The following KIF26B variants were observed in gnomAD, a reference collection of about 807,000 sequenced individuals.
The protein encoded by KIF26B is kinesin family member 26B, also known as kinesin-like protein KIF26B.
Under a neutral mutation model 151.2 loss-of-function variants are expected in KIF26B, and 63 were observed. The observed-to-expected ratio is 0.42, with a 90% CI of 0.34 to 0.51. The LOEUF is 0.51. Among genes scored for constraint, KIF26B ranks in the 20% least tolerant of loss-of-function variants. The pLI, the probability that KIF26B is intolerant of heterozygous loss-of-function variation, is 0.07. For missense variants in KIF26B, 2,813 were observed against 2,913.6 expected (o/e 0.97, Z 0.79); for synonymous variants, 1,357 against 1,262.1 (o/e 1.08, Z -1.59).
At chr1:245,271,258 T>C (rs997953388) in intron 2 of KIF26B, among the ~76,000 whole-genome samples, 2 of 152,092 alleles carry the variant, frequency 1.3e-5, no homozygotes, top group African/African-American at 4.8e-5. Context: ...TGGTTCCATG[T>C]GAATTTTAGG....
In KIF26B at chr1:245,689,619, G is replaced by A. The variant is rs192518034; in HGVS notation, c.5824+812G>A. 2.6e-5 allele frequency among the ~76,000 whole-genome samples: 4 copies of A among 152,214 alleles called. No homozygotes were observed. In the East Asian group the frequency reaches 7.7e-4, roughly 29 times the overall value. On this transcript the variant is annotated intron_variant, in intron 12 of 14. Transcript: ENST00000407071. ...ATCGCCCAGGCTGGAGTGCAATGGC[G>A]TGATCTTGCCAAACTGCAACCTCTG...
chr1:245,157,678 G>A (rs1265878092), intron 2 of KIF26B, among the ~76,000 whole-genome samples: 1 of 152,222 alleles, frequency 6.6e-6, no homozygotes, highest in Non-Finnish European at 1.5e-5. Flanking sequence ...ATGACCACCA[G>A]GAGAATTGGT....
intron 2 of KIF26B, among the ~76,000 whole-genome samples, chr1:245,360,209 G>A (rs1672787346): frequency 6.6e-6 from 1 of 152,124 alleles, no homozygotes; most frequent in South Asian, 2.1e-4. Flanking sequence ...AGATGTGGTG[G>A]TTAAGTGAAT....
intron 10 of KIF26B, among the ~76,000 whole-genome samples, chr1:245,649,228 A>G (rs1343882638): frequency 6.6e-6 from 1 of 152,236 alleles, no homozygotes; most frequent in Non-Finnish European, 1.5e-5. Context: ...GTGATTCATC[A>G]ACTAGAAACT....
At position 245,333,994 on chromosome 1, in the gene KIF26B, G is replaced by A. The variant is rs144264814; in HGVS notation, c.466-32840G>A. Among the ~76,000 whole-genome samples, 10 of 151,344 alleles carry A rather than the reference G, an allele frequency of 6.6e-5. No individual in the cohort carries two copies. The East Asian group carries it at 9.7e-4, about 15-fold the overall frequency. On this transcript the variant is annotated intron_variant, in intron 2 of 14. Transcript: ENST00000407071. The stretch of plus-strand genomic sequence containing the variant: ...AGCCTGGGCGACGGAGTGAGACTCC[G>A]TGTCAAAAAAAAAAAAATCTCCTCT...
At chr1:245,552,400 T>G (rs1279372493) in intron 5 of KIF26B, among the ~76,000 whole-genome samples, 1 of 150,856 alleles carries the variant, frequency 6.6e-6, no homozygotes, top group Non-Finnish European at 1.5e-5. Context: ...TTACTCAAAC[T>G]CAGCTGATTT....
intron 5 of KIF26B, among the ~76,000 whole-genome samples, chr1:245,544,058 A>G (rs1661684387): frequency 6.6e-6 from 1 of 152,122 alleles, no homozygotes; most frequent in Non-Finnish European, 1.5e-5. Flanking sequence ...GCCCTACCAT[A>G]TGGTGCCAAA....
At chr1:245,215,637 G>A (rs374576596) in intron 2 of KIF26B, among the ~76,000 whole-genome samples, 5 of 152,336 alleles carry the variant, frequency 3.3e-5, no homozygotes, top group African/African-American at 7.2e-5. Context: ...GGCTCGGGGT[G>A]TGGAAAATGG....
chr1:245,419,419 TA>T lies in KIF26B; in HGVS notation c.1000-159del, dbSNP rs772626165. On this transcript the variant is annotated intron_variant, in intron 3 of 14. Transcript: ENST00000407071. Reference sequence around the variant, plus strand: ...GTATCCTAGCTAAAATGCTGGAAAATAGCCTTCCAGTAGCCCTAAGCATCCA... The same window carrying T: ...GTATCCTAGCTAAAATGCTGGAAAATGCCTTCCAGTAGCCCTAAGCATCCA... 1.5e-3 allele frequency among the ~76,000 whole-genome samples: 234 copies of T among 152,264 alleles called. 1 individual carries two copies. Among genetic ancestry groups the T allele is most frequent in the Non-Finnish European group, 9.0e-4 (61 of 68,026 alleles).
intron 2 of KIF26B, among the ~76,000 whole-genome samples, chr1:245,307,229 G>A (rs767394547): frequency 1.8e-4 from 28 of 152,252 alleles, no homozygotes; most frequent in Non-Finnish European, 2.5e-4. Flanking sequence ...GATTGGCAGC[G>A]TTTCATAGTT....
rs74750356 is a variant in KIF26B at position 245,440,583 on chromosome 1, C to A, written c.1166+20838C>A. On this transcript the variant is annotated intron_variant, in intron 4 of 14. Coordinates refer to ENST00000407071, the MANE Select transcript of KIF26B (RefSeq NM_018012.4). The stretch of plus-strand genomic sequence containing the variant: ...AAGCCAGGGGTGTTCGGGAGCAGAT[C>A]CCCAACTTCTGACTCCATAGAGGGT... 1.8e-3 allele frequency among the ~76,000 whole-genome samples: 276 copies of A among 152,268 alleles called. 8 individuals carry two copies. The East Asian group carries it at 0.05, about 28-fold the overall frequency.
At chr1:245,695,126 CTG>C (rs1398279073) in intron 12 of KIF26B, among the ~76,000 whole-genome samples, 1 of 152,186 alleles carries the variant, frequency 6.6e-6, no homozygotes, top group Non-Finnish European at 1.5e-5. Flanking sequence ...TGGCAGAAAA[CTG>C]GGCATCTGCT....
At chr1:245,446,055 T>C (rs1659242444) in intron 4 of KIF26B, among the ~76,000 whole-genome samples, 1 of 152,236 alleles carries the variant, frequency 6.6e-6, no homozygotes, top group Non-Finnish European at 1.5e-5. Context: ...TAGGTGATTC[T>C]GTCATTGTGC....
intron 5 of KIF26B, among the ~76,000 whole-genome samples, chr1:245,586,940 C>G (rs935015227): frequency 1.3e-5 from 2 of 151,988 alleles, no homozygotes; most frequent in East Asian, 3.9e-4. Flanking sequence ...GCCCTTCCCA[C>G]GTGCCGGGCT....
At chr1:245,193,527 A>T (rs964484583) in intron 2 of KIF26B, among the ~76,000 whole-genome samples, 1 of 152,112 alleles carries the variant, frequency 6.6e-6, no homozygotes, top group Non-Finnish European at 1.5e-5. Context: ...TTTTTTCAAA[A>T]TTTCATATTT....
intron 2 of KIF26B, among the ~76,000 whole-genome samples, chr1:245,276,094 C>T (rs1411147694): frequency 7.2e-5 from 11 of 152,134 alleles, no homozygotes; most frequent in Admixed American, 2.6e-4. Flanking sequence ...GTAATCCCAG[C>T]ACTCTGGGAG....
chr1:245,257,896 C>T (rs1249306703), intron 2 of KIF26B, among the ~76,000 whole-genome samples: 1 of 152,140 alleles, frequency 6.6e-6, no homozygotes, highest in Non-Finnish European at 1.5e-5. Flanking sequence ...GTGGCACATG[C>T]CTGTAATCCC....
rs200266677 is a variant in KIF26B, at chr1:245,313,161, AAAAC to A, written c.466-53649_466-53646del. ...GCGACAGAGTGAGACTCCATCTCAA[AAAAC>A]AAACAAACAAACAAACAAACAAAAA... is the stretch of plus-strand genomic sequence containing the variant. On this transcript the variant is annotated intron_variant, in intron 2 of 14. Coordinates refer to ENST00000407071, the MANE Select transcript of KIF26B (RefSeq NM_018012.4). Among the ~76,000 whole-genome samples the A allele has an allele frequency of 3.7e-3, 568 of 151,974 alleles. 2 individuals carry two copies. Among genetic ancestry groups the A allele is most frequent in the African/African-American group, 0.012 (495 of 41,470 alleles).
intron 3 of KIF26B, 66 bp from the exon 4 acceptor site, chr1:245,419,513 G>A: frequency 6.9e-7 from 1 of 1,459,086 alleles, no homozygotes; most frequent in Non-Finnish European, 9.3e-7. Flanking sequence ...ATAGAGAGAT[G>A]CTGTCAGTGG....
Sources: gnomAD v4.1 joint callset for allele counts (sites outside exome capture counted in the v4.1 genomes callset) on GRCh38, gnomAD v4.1.1 for gene constraint, MANE v1.5 for transcripts, NCBI Gene and HGNC (gene_info 2026-07-23, HGNC 2026-07-21) for gene names.